HEATR6: variants seen among roughly 807,000 people sequenced by gnomAD.
HEATR6 encodes HEAT repeat containing 6.
HEATR6 carries 106 observed loss-of-function variants against 132.8 expected under a neutral mutation model. The observed-to-expected ratio is 0.80, with a 90% CI of 0.68 to 0.94. The LOEUF (loss-of-function observed/expected upper bound fraction) is 0.94. Ranked by LOEUF, HEATR6 falls within the 40% of genes least tolerant of loss-of-function variation. HEATR6 has a pLI of 0.00. For synonymous variants in HEATR6, 529 were observed against 537.8 expected (o/e 0.98, Z 0.23); for missense variants, 1,339 against 1,425.1 (o/e 0.94, Z 0.97).
In HEATR6 at chr17:60,069,560, G is replaced by T. The variant is rs56047850; in HGVS notation, c.939+151C>A. 2,184 of 679,352 alleles carry T rather than the reference G, an allele frequency of 3.2e-3. 31 individuals carry two copies. The African/African-American group carries it at 0.034, about 11-fold the overall frequency. 42.1% of individuals were successfully genotyped at this position (679,352 alleles called of 1,614,324 possible). On this transcript the variant is annotated intron_variant, in intron 7 of 19. Coordinates refer to ENST00000184956, the MANE Select transcript of HEATR6 (RefSeq NM_022070.5). Reference sequence around the variant, plus strand: ...GCTTTAATTGGTATTTTGAGCATCAGATGAGTTTAAATTTACTATGCTAAC... The same window carrying T: ...GCTTTAATTGGTATTTTGAGCATCATATGAGTTTAAATTTACTATGCTAAC...
intron 3 of HEATR6, 147 bp downstream of exon 3, chr17:60,073,599 A>T: frequency 1.4e-6 from 1 of 716,414 alleles, no homozygotes; most frequent in Non-Finnish European, 2.3e-6. Context: ...CCTCAGAGTA[A>T]CTATTTTATA....
rs1047640112 is a variant in HEATR6 at position 60,074,034 on chromosome 17, C to A, written c.328-148G>T. ...GTCAAAAGGATCACCTCTAAAGGGC[C>A]TGAAAGTTTGATCAACGTAGGGGCC... On this transcript the variant is annotated intron_variant, in intron 2 of 19. Transcript: ENST00000184956. The A allele has an allele frequency of 1.3e-5, 18 of 1,360,576 alleles. No homozygotes were observed. In the African/African-American group the frequency reaches 2.7e-4, roughly 20 times the overall value. The allele number at this position is 1,360,576 out of a possible 1,614,324, so 84.3% of individuals were successfully genotyped here. A position where few individuals can be genotyped will look rare whatever the true frequency, so the allele number is the denominator to read the frequency against.
chr17:60,055,049 T>C (rs1906699805), intron 14 of HEATR6, among the ~76,000 whole-genome samples: 1 of 152,140 alleles, frequency 6.6e-6, no homozygotes, highest in Non-Finnish European at 1.5e-5. Context: ...ACTCTCACTC[T>C]ATGAGCTCAT....
At chr17:60,055,428 T>A in intron 14 of HEATR6, 87 bp downstream of exon 14, 1 of 789,504 alleles carries the variant, frequency 1.3e-6, no homozygotes, top group African/African-American at 1.7e-5. Flanking sequence ...AGAAACCATA[T>A]CATCTACTCC....
intron 8 of HEATR6, 95 bp from the exon 9 acceptor site, chr17:60,066,481 A>T: frequency 1.2e-6 from 1 of 841,356 alleles, no homozygotes; most frequent in Non-Finnish European, 1.8e-6. Context: ...CACCAATTCA[A>T]ATGATACATT....
chr17:60,054,976 G>A (rs1906696977), intron 14 of HEATR6, among the ~76,000 whole-genome samples: 1 of 152,196 alleles, frequency 6.6e-6, no homozygotes, highest in Admixed American at 6.5e-5. Flanking sequence ...AATAGGAAGT[G>A]TTTGGGTCAT....
In HEATR6 at chr17:60,048,155, G is replaced by C. The variant is rs1423203992; in HGVS notation, c.2672+109C>G. The stretch of plus-strand genomic sequence containing the variant: ...AACAAAAAAAGCAGGAAGACTGACT[G>C]CATAATATGCGGGAACTACTGCTGA... On this transcript the variant is annotated intron_variant, in intron 17 of 19. Transcript: ENST00000184956. The C allele has an allele frequency of 2.7e-6, 3 of 1,117,296 alleles. No individual in the cohort carries two copies. In the African/African-American group the frequency reaches 4.6e-5, roughly 17 times the overall value. The allele number at this position is 1,117,296 out of a possible 1,614,324, so 69.2% of individuals were successfully genotyped here.
intron 16 of HEATR6, among the ~76,000 whole-genome samples, chr17:60,048,902 A>T (rs1267093560): frequency 1.3e-5 from 2 of 149,714 alleles, no homozygotes; most frequent in African/African-American, 4.9e-5. Flanking sequence ...TCATTCATTA[A>T]TTTAAGCATT....
chr17:60,067,523 G>C lies in HEATR6; in HGVS notation c.1149C>G (p.Ser383=). 3.7e-6 allele frequency: 6 copies of C among 1,612,794 alleles called. No homozygotes were observed. Among genetic ancestry groups the C allele is most frequent in the African/African-American group, 2.7e-5 (2 of 74,930 alleles). Residue 383 remains serine (S), a synonymous_variant, in exon 8 of 20, where the codon TCC becomes TCG. Coordinates refer to ENST00000184956, the MANE Select transcript of HEATR6 (RefSeq NM_022070.5). The part of the protein sequence containing the change: ...GSGAAEKDGV[S]SSFSSSSWKR... ...TCCAACTGGAAGAACTGAAGGATGA[G>C]GAGACTCCATCTTTTTCTGCAGCTC...
intron 9 of HEATR6, 62 bp from the exon 10 acceptor site, chr17:60,060,158 C>T: frequency 9.3e-7 from 1 of 1,077,982 alleles, no homozygotes; most frequent in South Asian, 1.3e-5. Context: ...TCCCTTCTTC[C>T]TATACATATT....
intron 2 of HEATR6, among the ~76,000 whole-genome samples, chr17:60,074,844 GC>G (rs1195991625): frequency 6.6e-6 from 1 of 152,186 alleles, no homozygotes; most frequent in Non-Finnish European, 1.5e-5. Flanking sequence ...GTGCAAGACA[GC>G]CCCTAAAACA....
intron 8 of HEATR6, 105 bp downstream of exon 8, chr17:60,067,329 G>A: frequency 6.3e-6 from 4 of 636,222 alleles, no homozygotes; most frequent in Non-Finnish European, 7.5e-6. Flanking sequence ...ATGCCCCCCA[G>A]AAATCAGGCT....
At position 60,078,839 on chromosome 17, in the gene HEATR6, G is replaced by C. The variant is rs781447080; in HGVS notation, c.76C>G (p.Arg26Gly). 3 of 1,609,394 alleles carry C rather than the reference G, an allele frequency of 1.9e-6. No individual in the cohort carries two copies. Among genetic ancestry groups the C allele is most frequent in the Admixed American group, 1.7e-5 (1 of 59,596 alleles). Reference protein sequence around the residue: ...REAPREAIPERGNGFRLLSAR... With the variant: ...REAPREAIPEGGNGFRLLSAR... ...GACAAGAGGCGAAACCCATTGCCTC[G>C]CTCAGGGATTGCTTCCCGCGGTGCC... Residue 26 changes from arginine (R) to glycine (G), a missense_variant, in exon 1 of 20, where the codon CGA (arginine) becomes GGA (glycine). Transcript: ENST00000184956.
At chr17:60,061,759 C>T (rs1337098136) in intron 9 of HEATR6, among the ~76,000 whole-genome samples, 1 of 152,244 alleles carries the variant, frequency 6.6e-6, no homozygotes, top group Non-Finnish European at 1.5e-5. Context: ...TGTACAAAAA[C>T]AGGTGGTGGG....
intron 2 of HEATR6, chr17:60,075,483 G>C (rs532547477): frequency 5.9e-5 from 9 of 152,234 alleles, no homozygotes; most frequent in African/African-American, 1.9e-4. Context: ...TACTCATGTG[G>C]TAACAGTCTT....
chr17:60,049,120 A>AGAGTGTGT (rs997475083), intron 16 of HEATR6, among the ~76,000 whole-genome samples: 3 of 128,732 alleles, frequency 2.3e-5, no homozygotes, highest in African/African-American at 3.6e-5. Context: ...AGAGAGACAG[A>AGAGTGTGT]GAGTGTGTGT....
At position 60,055,453 on chromosome 17, in the gene HEATR6, T is replaced by C; in HGVS notation, c.2289+62A>G. The C allele has an allele frequency of 4.4e-6, 5 of 1,129,656 alleles. No homozygotes were observed. The South Asian group carries it at 6.9e-5, about 16-fold the overall frequency. The allele number at this position is 1,129,656 out of a possible 1,614,324, so 70.0% of individuals were successfully genotyped here. On this transcript the variant is annotated intron_variant, in intron 14 of 19. Coordinates refer to ENST00000184956, the MANE Select transcript of HEATR6 (RefSeq NM_022070.5). ...TCATCTACTCCATTTATCACTGAGC[T>C]TCAAAATAAAACTGCAACTGAAGCA... is the stretch of plus-strand genomic sequence containing the variant.
At chr17:60,049,236 C>T (rs992427556) in intron 16 of HEATR6, among the ~76,000 whole-genome samples, 6 of 151,192 alleles carry the variant, frequency 4.0e-5, no homozygotes, top group Non-Finnish European at 8.8e-5. Context: ...TCAAGTGAGC[C>T]TCCCATCTCA....
chr17:60,069,559 A>C (rs2083260101), intron 7 of HEATR6, 152 bp downstream of exon 7: 7 of 672,544 alleles, frequency 1.0e-5, no homozygotes, highest in South Asian at 1.9e-5. Context: ...TTTGAGCATC[A>C]GATGAGTTTA....
Sources: allele counts gnomAD v4.1 joint callset (sites outside exome capture counted in the v4.1 genomes callset), GRCh38; gene constraint gnomAD v4.1.1; transcripts MANE v1.5; gene names NCBI Gene and HGNC (gene_info 2026-07-23, HGNC 2026-07-21).